Variants in SLC9A9 observed in about 807,000 individuals in gnomAD.
SLC9A9 encodes solute carrier family 9 member A9.
SLC9A9 carries 62 observed loss-of-function variants against 77.8 expected under a neutral mutation model. That is an observed-to-expected ratio of 0.80 (90% CI 0.65 to 0.98). The LOEUF is 0.98. SLC9A9 is among the 50% of genes least tolerant of loss of function. The probability of loss-of-function intolerance (pLI) is 0.00; values close to 1 mark genes in which losing one functional copy is unlikely to be tolerated. For synonymous variants in SLC9A9, 320 were observed against 283.5 expected, an observed-to-expected ratio of 1.13 and a Z score of -1.29; for missense variants, 775 against 774.9, an observed-to-expected ratio of 1.00 and a Z score of 0.00.
intron 11 of SLC9A9, among the ~76,000 whole-genome samples, chr3:143,474,193 G>T (rs2035427505): frequency 1.3e-5 from 2 of 152,190 alleles, no homozygotes; most frequent in African/African-American, 4.8e-5. Flanking sequence ...GTGGCAAGGA[G>T]GCTGGTGTGA....
intron 6 of SLC9A9, among the ~76,000 whole-genome samples, chr3:143,585,145 T>A (rs1339577614): frequency 6.6e-6 from 1 of 152,164 alleles, no homozygotes; most frequent in Admixed American, 6.5e-5. Context: ...ATCTTCCAGG[T>A]CTATACACTT....
At position 143,305,660 on chromosome 3, in the gene SLC9A9, G is replaced by A. The variant is rs543267440; in HGVS notation, c.1605-36680C>T. Among the ~76,000 whole-genome samples the A allele has an allele frequency of 5.3e-5, 8 of 152,280 alleles. No homozygotes were observed. The South Asian group carries it at 1.4e-3, about 28-fold the overall frequency. On this transcript the variant is annotated intron_variant, in intron 14 of 15. Coordinates refer to ENST00000316549, the MANE Select transcript of SLC9A9 (RefSeq NM_173653.4). The stretch of plus-strand genomic sequence containing the variant: ...AAACACAAATACTATCATGTGGAAT[G>A]GTCTCAAGGAAGTCTTTTGGCAGAT...
At chr3:143,391,738 G>A (rs1457128998) in intron 12 of SLC9A9, among the ~76,000 whole-genome samples, 1 of 152,202 alleles carries the variant, frequency 6.6e-6, no homozygotes. Context: ...AGAATAACCA[G>A]TGTAGAGAAG....
intron 1 of SLC9A9, among the ~76,000 whole-genome samples, chr3:143,846,864 T>A (rs796607659): frequency 1.3e-5 from 2 of 152,056 alleles, no homozygotes; most frequent in South Asian, 4.1e-4. Context: ...GCTGCACCCA[T>A]TAACTCGTCA....
chr3:143,472,303 G>C (rs1448949595), intron 11 of SLC9A9, among the ~76,000 whole-genome samples: 1 of 152,124 alleles, frequency 6.6e-6, no homozygotes, highest in Non-Finnish European at 1.5e-5. Flanking sequence ...AGTTTGATGA[G>C]GAAAAAGATT....
intron 12 of SLC9A9, among the ~76,000 whole-genome samples, chr3:143,430,428 G>A (rs924482975): frequency 2.0e-5 from 3 of 152,218 alleles, no homozygotes; most frequent in Admixed American, 6.5e-5. Flanking sequence ...CTCTTATGGA[G>A]AGGCAGATTC....
chr3:143,404,004 TTTC>T (rs951362097), intron 12 of SLC9A9, among the ~76,000 whole-genome samples: 33 of 152,246 alleles, frequency 2.2e-4, no homozygotes, highest in African/African-American at 7.2e-4. Context: ...CCGCTCATTT[TTTC>T]TTCTTATTTT....
chr3:143,523,132 C>G (rs1462180361), intron 9 of SLC9A9, among the ~76,000 whole-genome samples: 1 of 152,060 alleles, frequency 6.6e-6, no homozygotes, highest in Non-Finnish European at 1.5e-5. Context: ...AGCTTTAGCA[C>G]CTCCAGAATC....
intron 14 of SLC9A9, among the ~76,000 whole-genome samples, chr3:143,346,613 C>T (rs1348132942): frequency 1.3e-5 from 2 of 151,960 alleles, no homozygotes; most frequent in Non-Finnish European, 2.9e-5. Context: ...CATGGTGAAA[C>T]CCCATCTCTA....
At chr3:143,550,727 C>A (rs6762682) in intron 9 of SLC9A9, among the ~76,000 whole-genome samples, 3 of 152,086 alleles carry the variant, frequency 2.0e-5, no homozygotes, top group African/African-American at 7.2e-5. Context: ...GGTATGTGAT[C>A]AATAAATGAT....
intron 11 of SLC9A9, among the ~76,000 whole-genome samples, chr3:143,479,038 TACTC>T (rs2035528296): frequency 6.6e-6 from 1 of 152,194 alleles, no homozygotes. Context: ...CTCCTTTTAT[TACTC>T]AGTTCTCTCA....
At chr3:143,801,875 A>G (rs1476743442) in intron 2 of SLC9A9, among the ~76,000 whole-genome samples, 1 of 152,184 alleles carries the variant, frequency 6.6e-6, no homozygotes, top group African/African-American at 2.4e-5. Flanking sequence ...ATGCTGTTAT[A>G]TAGGCTGAAA....
chr3:143,268,455 C>G (rs540660867), intron 15 of SLC9A9, among the ~76,000 whole-genome samples: 1 of 152,112 alleles, frequency 6.6e-6, no homozygotes, highest in African/African-American at 2.4e-5. Flanking sequence ...CTCCTCAGGC[C>G]GGGCACGGTG....
At chr3:143,503,112 G>A (rs895480292) in intron 9 of SLC9A9, among the ~76,000 whole-genome samples, 3 of 152,212 alleles carry the variant, frequency 2.0e-5, no homozygotes, top group Non-Finnish European at 4.4e-5. Flanking sequence ...GCAGGACAAA[G>A]TGGGGCTTTC....
intron 6 of SLC9A9, among the ~76,000 whole-genome samples, chr3:143,592,091 G>A (rs930092121): frequency 2.0e-5 from 3 of 152,174 alleles, no homozygotes; most frequent in African/African-American, 7.2e-5. Context: ...CCCCCCAAAA[G>A]GTTAAAAACC....
intron 14 of SLC9A9, among the ~76,000 whole-genome samples, chr3:143,272,409 G>A (rs1290454478): frequency 2.0e-5 from 3 of 152,196 alleles, no homozygotes; most frequent in Non-Finnish European, 4.4e-5. Context: ...ATTAATGAAG[G>A]CAACAGGCTC....
chr3:143,767,689 C>G (rs2007370994), intron 4 of SLC9A9, among the ~76,000 whole-genome samples: 2 of 152,134 alleles, frequency 1.3e-5, no homozygotes, highest in African/African-American at 2.4e-5. Context: ...GTTTGTCTAT[C>G]CTTTACAACA....
At chr3:143,435,077 G>A (rs1450043425) in intron 12 of SLC9A9, among the ~76,000 whole-genome samples, 1 of 152,048 alleles carries the variant, frequency 6.6e-6, no homozygotes, top group Admixed American at 6.5e-5. Flanking sequence ...GCTTCTGCTG[G>A]CATCCCTTGA....
intron 4 of SLC9A9, among the ~76,000 whole-genome samples, chr3:143,712,932 T>G (rs1039775285): frequency 6.6e-6 from 1 of 152,196 alleles, no homozygotes; most frequent in Non-Finnish European, 1.5e-5. Flanking sequence ...TGGGTGGTTT[T>G]GTCTCAGGTG....
Sources: allele counts gnomAD v4.1 joint callset (sites outside exome capture counted in the v4.1 genomes callset), GRCh38; gene constraint gnomAD v4.1.1; transcripts MANE v1.5; gene names NCBI Gene and HGNC (gene_info 2026-07-23, HGNC 2026-07-21).